Variants in CMAS observed in about 807,000 individuals in gnomAD.
CMAS encodes the protein N-acylneuraminate cytidylyltransferase.
A neutral mutation model predicts 53.4 loss-of-function variants in CMAS; 21 were observed. The observed-to-expected ratio is 0.39, with a 90% CI of 0.28 to 0.57. CMAS has a LOEUF of 0.57. CMAS is among the 20% of genes least tolerant of loss of function. The pLI, the probability that CMAS is intolerant of heterozygous loss-of-function variation, is 0.56. For synonymous variants in CMAS, 189 were observed against 195.2 expected (o/e 0.97, Z 0.27); for missense variants, 384 against 534.9 (o/e 0.72, Z 2.78).
At chr12:22,061,965 T>C (rs1950310979) in intron 6 of CMAS, among the ~76,000 whole-genome samples, 1 of 152,296 alleles carries the variant, frequency 6.6e-6, no homozygotes, top group South Asian at 2.1e-4. Flanking sequence ...ATAAATTGAA[T>C]TATAGGAGAA....
chr12:22,060,756 T>G, intron 4 of CMAS, 76 bp from the exon 5 acceptor site: 1 of 815,218 alleles, frequency 1.2e-6, no homozygotes, highest in African/African-American at 1.7e-5. Context: ...AATTCATTGT[T>G]CTGTATTATA....
chr12:22,051,229 G>C (rs954876821), intron 1 of CMAS, among the ~76,000 whole-genome samples: 1 of 152,080 alleles, frequency 6.6e-6, no homozygotes, highest in Non-Finnish European at 1.5e-5. Flanking sequence ...TTTTCCTTTA[G>C]TACAAAGTTA....
intron 5 of CMAS, 89 bp from the exon 6 acceptor site, chr12:22,061,191 AG>A: frequency 3.4e-6 from 3 of 876,906 alleles, no homozygotes; most frequent in Non-Finnish European, 5.6e-6. Context: ...AATTGAATGG[AG>A]GGTGACATTT....
intron 1 of CMAS, among the ~76,000 whole-genome samples, chr12:22,050,083 T>C (rs1280000260): frequency 6.6e-6 from 1 of 152,220 alleles, no homozygotes; most frequent in Non-Finnish European, 1.5e-5. Flanking sequence ...CCAGCACTTC[T>C]TCCTCCATGA....
chr12:22,064,981 A>AATC, intron 7 of CMAS, 140 bp from the exon 8 acceptor site: 1 of 541,592 alleles, frequency 1.8e-6, no homozygotes, highest in Non-Finnish European at 3.2e-6. Flanking sequence ...TGTTCCATCT[A>AATC]ATCTTTAGTA....
At position 22,046,219 on chromosome 12, in the gene CMAS, G is replaced by A. The variant is rs1229296743; in HGVS notation, c.-85G>A. Reference sequence around the variant, plus strand: ...GGACGGCCGCGCGCGCCAGCTGCCAGGCGGGGATCGGGCGGCGCCGAGCTG... The same window carrying A: ...GGACGGCCGCGCGCGCCAGCTGCCAAGCGGGGATCGGGCGGCGCCGAGCTG... On this transcript the variant is annotated 5_prime_UTR_variant, in exon 1 of 8. Coordinates refer to ENST00000229329, the MANE Select transcript of CMAS (RefSeq NM_018686.6). The A allele has an allele frequency of 3.8e-6, 5 of 1,316,510 alleles. No individual in the cohort carries two copies. The highest frequency in any genetic ancestry group is 4.0e-6 in the Non-Finnish European group (4 of 1,012,254). 81.6% of individuals were successfully genotyped at this position (1,316,510 alleles called of 1,614,324 possible).
At chr12:22,051,180 A>G (rs544305332) in intron 1 of CMAS, among the ~76,000 whole-genome samples, 1 of 152,176 alleles carries the variant, frequency 6.6e-6, no homozygotes, top group Non-Finnish European at 1.5e-5. Context: ...CATACTAACT[A>G]GGCTAGTTAG....
At chr12:22,046,619 C>T (rs1227449560) in intron 1 of CMAS, 56 bp downstream of exon 1, 7 of 1,449,876 alleles carry the variant, frequency 4.8e-6, no homozygotes, top group Admixed American at 2.7e-5. Flanking sequence ...GAGAGGGAGT[C>T]GGGCTGCTGG....
At chr12:22,060,784 G>A in intron 4 of CMAS, 48 bp from the exon 5 acceptor site, 1 of 1,049,516 alleles carries the variant, frequency 9.5e-7, no homozygotes, top group Non-Finnish European at 1.5e-6. Flanking sequence ...TTTGATATAT[G>A]TGAATGAATA....
chr12:22,059,161 T>A (rs899338643), intron 4 of CMAS, among the ~76,000 whole-genome samples: 21 of 145,590 alleles, frequency 1.4e-4, no homozygotes, highest in African/African-American at 2.5e-4. Flanking sequence ...TTTTTTTTTT[T>A]TTATTATACT....
intron 7 of CMAS, chr12:22,063,914 G>T (rs1323792719): frequency 1.4e-5 from 2 of 141,596 alleles, no homozygotes; most frequent in African/African-American, 5.5e-5. Flanking sequence ...GTGAAACATA[G>T]TGAGGCCCCA....
chr12:22,046,653 C>G, intron 1 of CMAS, 90 bp downstream of exon 1: 3 of 1,361,546 alleles, frequency 2.2e-6, no homozygotes, highest in Non-Finnish European at 2.9e-6. Flanking sequence ...TCCGGGGCCA[C>G]CGCTCTTGGA....
chr12:22,049,904 CA>C (rs11354131), intron 1 of CMAS, among the ~76,000 whole-genome samples: 103,258 of 141,726 alleles, frequency 0.73, 37,015 homozygotes, highest in South Asian at 0.81. Flanking sequence ...GACTCTGTCT[CA>C]AAAAAAAAAA....
chr12:22,050,162 G>A (rs1181949871), intron 1 of CMAS, among the ~76,000 whole-genome samples: 2 of 152,184 alleles, frequency 1.3e-5, no homozygotes, highest in Non-Finnish European at 2.9e-5. Context: ...TACGTCGTTT[G>A]TACCTTCATT....
intron 1 of CMAS, among the ~76,000 whole-genome samples, chr12:22,052,367 G>A (rs1591792439): frequency 6.7e-6 from 1 of 148,188 alleles, no homozygotes; most frequent in East Asian, 2.4e-4. Context: ...AATTAAGGAT[G>A]AATGAACGAA....
chr12:22,049,409 T>C (rs1950226043), intron 1 of CMAS, among the ~76,000 whole-genome samples: 3 of 152,138 alleles, frequency 2.0e-5, no homozygotes, highest in Admixed American at 6.5e-5. Context: ...TTGGAAAATA[T>C]GTATATATAT....
chr12:22,058,646 A>T lies in CMAS; in HGVS notation c.639A>T (p.Glu213Asp). ...AAGACTGGGATGGAGAATTATATGAAAATGGCTCATTTTATTTTGCTAAAA... is the reference window on the plus strand; with the variant it reads ...AAGACTGGGATGGAGAATTATATGATAATGGCTCATTTTATTTTGCTAAAA... ...RRQDWDGELYENGSFYFAKRH... is the reference protein window; with the variant it reads ...RRQDWDGELYDNGSFYFAKRH... The change falls in exon 4 of 8, where the codon GAA becomes GAT. Residue 213 changes from glutamate to aspartate, a missense_variant. Glu to Asp is a conservative substitution (Grantham distance 45). Around this residue, in one of 3 missense-constraint regions of CMAS, gnomAD observed 139 missense variants for 248.0 expected, o/e 0.56. Transcript: ENST00000229329. The T allele has an allele frequency of 6.2e-7, 1 of 1,613,808 alleles. No individual in the cohort carries two copies. The highest frequency in any genetic ancestry group is 8.5e-7 in the Non-Finnish European group (1 of 1,179,836).
intron 4 of CMAS, among the ~76,000 whole-genome samples, chr12:22,059,948 C>G (rs1052349135): frequency 6.6e-6 from 1 of 152,010 alleles, no homozygotes; most frequent in Non-Finnish European, 1.5e-5. Flanking sequence ...TGCCTAGAAT[C>G]AAGAGACTGC....
intron 1 of CMAS, among the ~76,000 whole-genome samples, chr12:22,051,526 TGGCA>T (rs964652915): frequency 7.9e-5 from 12 of 152,212 alleles, no homozygotes; most frequent in Non-Finnish European, 4.4e-5. Flanking sequence ...CTAAAGCCAT[TGGCA>T]TTAGACTTTG....
Sources: gnomAD v4.1 joint callset for allele counts (sites outside exome capture counted in the v4.1 genomes callset) on GRCh38, gnomAD v4.1.1 for gene constraint, gnomAD v4.1.1 regional missense constraint, MANE v1.5 for transcripts, NCBI Gene and HGNC (gene_info 2026-07-23, HGNC 2026-07-21) for gene names.